The following TXLNB variants were observed in gnomAD, a reference collection of about 807,000 sequenced individuals.
The protein encoded by TXLNB is beta-taxilin.
In TXLNB, 37 loss-of-function variants were observed where a neutral mutation model predicts 57.4. The ratio of observed to expected loss-of-function variants is 0.64; its 90% CI spans 0.50 to 0.85. TXLNB has a LOEUF of 0.85. TXLNB is among the 40% of genes least tolerant of loss of function. The pLI is 0.00. For synonymous variants in TXLNB, 302 were observed against 309.6 expected (o/e 0.98, Z 0.26); for missense variants, 848 against 825.6 (o/e 1.03, Z -0.33).
At chr6:139,235,676 T>C (rs1041275424), downstream of TXLNB, among the ~76,000 whole-genome samples, 1 of 151,062 alleles carries the variant, frequency 6.6e-6, no homozygotes, top group African/African-American at 2.4e-5. Context: ...AAAGGCAGGG[T>C]CCCTGGTGAG....
chr6:139,243,510 T>TG (rs1485437529), intron 9 of TXLNB, among the ~76,000 whole-genome samples, 196 bp from the exon 10 acceptor site: 1 of 149,966 alleles, frequency 6.7e-6, no homozygotes, highest in Non-Finnish European at 1.5e-5. Flanking sequence ...TTTTTTTTTT[T>TG]GGCATTGTGT....
chr6:139,227,109 G>C, the TXLNB span, among the ~76,000 whole-genome samples: 1 of 152,030 alleles, frequency 6.6e-6, no homozygotes. Context: ...TTGGGAGGCC[G>C]AGGTGGGAGG....
the TXLNB span, among the ~76,000 whole-genome samples, chr6:139,217,620 G>T: frequency 2.0e-5 from 3 of 152,032 alleles, no homozygotes; most frequent in African/African-American, 7.2e-5. Flanking sequence ...TGTAATCCTG[G>T]CACTTTGGGA....
At chr6:139,218,666 C>T in the TXLNB span, among the ~76,000 whole-genome samples, 1 of 152,002 alleles carries the variant, frequency 6.6e-6, no homozygotes, top group African/African-American at 2.4e-5. Context: ...GGAGGAGAAT[C>T]GCTTGAACCT....
chr6:139,317,527 G>C, the TXLNB span, among the ~76,000 whole-genome samples: 1 of 151,950 alleles, frequency 6.6e-6, no homozygotes, highest in Admixed American at 6.6e-5. Context: ...AGCATCCCGA[G>C]TAGCTGGGAC....
the TXLNB span, among the ~76,000 whole-genome samples, chr6:139,188,381 G>C: frequency 2.0e-5 from 3 of 151,934 alleles, no homozygotes; most frequent in Non-Finnish European, 4.4e-5. Flanking sequence ...TTTTTCCCTA[G>C]TTGGGTCAGC....
the TXLNB span, among the ~76,000 whole-genome samples, chr6:139,235,013 G>A: frequency 3.3e-5 from 5 of 152,310 alleles, no homozygotes; most frequent in African/African-American, 1.2e-4. Flanking sequence ...AGATCATTAT[G>A]GAACTTTAAG....
At chr6:139,165,437 G>A in the TXLNB span, among the ~76,000 whole-genome samples, 1 of 152,002 alleles carries the variant, frequency 6.6e-6, no homozygotes, top group South Asian at 2.1e-4. Context: ...GTTGACATTA[G>A]GGTTCCCTTT....
At chr6:139,291,348 G>A (rs995882426) in intron 1 of TXLNB, among the ~76,000 whole-genome samples, 6 of 152,142 alleles carry the variant, frequency 3.9e-5, no homozygotes, top group African/African-American at 1.4e-4. Context: ...CAAGTAAAAT[G>A]AACTTCAAAA....
At chr6:139,249,218 T>A (rs1425784213) in intron 7 of TXLNB, among the ~76,000 whole-genome samples, 1 of 152,224 alleles carries the variant, frequency 6.6e-6, no homozygotes, top group East Asian at 1.9e-4. Flanking sequence ...TGTAAATACT[T>A]GATCAGTGAT....
chr6:139,317,993 G>A, the TXLNB span, among the ~76,000 whole-genome samples: 8 of 151,958 alleles, frequency 5.3e-5, no homozygotes, highest in Non-Finnish European at 1.0e-4. Context: ...TTATGGGGCC[G>A]GGCACGGTGG....
upstream of TXLNB, chr6:139,292,086 G>GCACACACACACACACACA (rs760910211): frequency 1.4e-5 from 2 of 144,542 alleles, no homozygotes; most frequent in South Asian, 2.1e-4. This position sits in a 1 kb window ranked among gnomAD's most constrained non-coding sequence, Gnocchi z 4.0. Flanking sequence ...GCACGCGCGC[G>GCACACACACACACACACA]CACACACACA....
the TXLNB span, among the ~76,000 whole-genome samples, chr6:139,319,261 ATTTTTTT>A: frequency 7.7e-6 from 1 of 130,176 alleles, no homozygotes; most frequent in Non-Finnish European, 1.7e-5. Flanking sequence ...TCCCTTTAAA[ATTTTTTT>A]TTTTTTTTTT....
the TXLNB span, among the ~76,000 whole-genome samples, chr6:139,182,071 A>G: frequency 6.6e-6 from 1 of 152,226 alleles, no homozygotes; most frequent in African/African-American, 2.4e-5. Context: ...TGCTGACTTC[A>G]TATACTGTGA....
At chr6:139,171,812 G>C in the TXLNB span, among the ~76,000 whole-genome samples, 2 of 150,482 alleles carry the variant, frequency 1.3e-5, no homozygotes, top group African/African-American at 4.9e-5. Context: ...GTTTAAACTT[G>C]TTGTTGTTGT....
downstream of TXLNB, chr6:139,239,473 T>G (rs1452718073): frequency 6.6e-6 from 1 of 152,364 alleles, no homozygotes; most frequent in Non-Finnish European, 1.5e-5. The surrounding 1 kb of genome is among the most constrained non-coding windows in gnomAD (Gnocchi z 4.7). Flanking sequence ...TTCCAGTGCT[T>G]CTCTCTTATA....
At chr6:139,159,664 C>T in the TXLNB span, among the ~76,000 whole-genome samples, 5 of 152,180 alleles carry the variant, frequency 3.3e-5, no homozygotes, top group African/African-American at 1.2e-4. Flanking sequence ...TTACTGTGGT[C>T]ACAACCAGAG....
At chr6:139,245,022 T>G (rs1776038008) in intron 8 of TXLNB, among the ~76,000 whole-genome samples, 1 of 152,246 alleles carries the variant, frequency 6.6e-6, no homozygotes, top group Non-Finnish European at 1.5e-5. Context: ...GGATATTTAC[T>G]GTATTGAATA....
At chr6:139,300,625 G>T in the TXLNB span, among the ~76,000 whole-genome samples, 4 of 152,190 alleles carry the variant, frequency 2.6e-5, no homozygotes, top group African/African-American at 9.7e-5. Context: ...TCAGCTGGGT[G>T]CGGTGGCTCA....
Sources: gnomAD v4.1 joint callset for allele counts (sites outside exome capture counted in the v4.1 genomes callset) on GRCh38, gnomAD v4.1.1 for gene constraint, Gnocchi (gnomAD v3.1) non-coding constraint, MANE v1.5 for transcripts, NCBI Gene and HGNC (gene_info 2026-07-23, HGNC 2026-07-21) for gene names.